The following SUGT1 variants were observed in gnomAD, a reference collection of about 807,000 sequenced individuals.
SUGT1 encodes the protein protein SGT1 homolog.
In SUGT1, 15 loss-of-function variants were observed where a neutral mutation model predicts 56.1. The observed-to-expected ratio is 0.27, with a 90% CI of 0.18 to 0.41. The LOEUF (loss-of-function observed/expected upper bound fraction) is 0.41. SUGT1 is among the 10% of genes least tolerant of loss of function. The probability of loss-of-function intolerance (pLI) is 1.00; values close to 1 mark genes in which losing one functional copy is unlikely to be tolerated. For missense variants in SUGT1, 347 were observed against 382.2 expected (o/e 0.91, Z 0.77); for synonymous variants, 123 against 128.6 (o/e 0.96, Z 0.30).
intron 2 of SUGT1, among the ~76,000 whole-genome samples, chr13:52,656,701 T>G (rs1337487238): frequency 6.6e-6 from 1 of 152,196 alleles, no homozygotes; most frequent in Admixed American, 6.5e-5. Flanking sequence ...ATATGTTGCT[T>G]TCTGAGAGTC....
intron 3 of SUGT1, 81 bp downstream of exon 3, chr13:52,657,703 T>C: frequency 7.6e-7 from 1 of 1,314,366 alleles, no homozygotes. Flanking sequence ...AAAGTTGTCT[T>C]TGAGAATTTT....
intron 5 of SUGT1, among the ~76,000 whole-genome samples, chr13:52,660,249 T>C (rs1235199619): frequency 6.6e-6 from 1 of 152,174 alleles, no homozygotes; most frequent in Non-Finnish European, 1.5e-5. Context: ...TAGAGTTTTA[T>C]CACAGTTCTC....
chr13:52,686,124 C>T (rs1432591775), intron 12 of SUGT1, among the ~76,000 whole-genome samples: 1 of 151,938 alleles, frequency 6.6e-6, no homozygotes, highest in Non-Finnish European at 1.5e-5. Flanking sequence ...GATGGAGTTT[C>T]ACCACGTTGG....
At chr13:52,671,555 ATT>A (rs1962938269) in intron 10 of SUGT1, among the ~76,000 whole-genome samples, 1 of 152,150 alleles carries the variant, frequency 6.6e-6, no homozygotes, top group South Asian at 2.1e-4. Context: ...TGGTGTAGGT[ATT>A]TTTATCCCTA....
chr13:52,667,852 T>C (rs904456579), intron 10 of SUGT1, among the ~76,000 whole-genome samples: 1 of 152,146 alleles, frequency 6.6e-6, no homozygotes, highest in Non-Finnish European at 1.5e-5. Context: ...TCAGCACCTT[T>C]GAAAGGAGGG....
At chr13:52,660,838 G>A (rs145342402) in intron 5 of SUGT1, among the ~76,000 whole-genome samples, 4 of 151,898 alleles carry the variant, frequency 2.6e-5, no homozygotes, top group African/African-American at 9.7e-5. Context: ...AGAAGGTCTC[G>A]CTCTGTCGCC....
At chr13:52,656,700 T>A (rs1007160007) in intron 2 of SUGT1, among the ~76,000 whole-genome samples, 1 of 152,214 alleles carries the variant, frequency 6.6e-6, no homozygotes, top group Non-Finnish European at 1.5e-5. Flanking sequence ...TATATGTTGC[T>A]TTCTGAGAGT....
chr13:52,684,024 G>T (rs1963475422), intron 12 of SUGT1, among the ~76,000 whole-genome samples: 1 of 152,070 alleles, frequency 6.6e-6, no homozygotes, highest in Non-Finnish European at 1.5e-5. Flanking sequence ...GGGACTACAG[G>T]CATGTGCCGT....
chr13:52,674,018 A>C (rs1306593744), intron 10 of SUGT1, among the ~76,000 whole-genome samples: 2 of 148,060 alleles, frequency 1.4e-5, no homozygotes, highest in Non-Finnish European at 3.0e-5. Context: ...ATATATGTAG[A>C]GTTTAAACAT....
rs1963981142 is a variant in SUGT1 at position 52,697,839 on chromosome 13, C to G, written c.*10004C>G. 6.6e-6 allele frequency: 1 copy of G among 152,182 alleles called. No homozygotes were observed. Among genetic ancestry groups the G allele is most frequent in the Non-Finnish European group, 1.5e-5 (1 of 68,030 alleles). 9.4% of individuals were successfully genotyped at this position (152,182 alleles called of 1,614,324 possible). ...TGCCAAATACGCATCAGACACTGAGCTAGGTGCTAGGTACTAGGTAAACAA... is the reference window on the plus strand; with the variant it reads ...TGCCAAATACGCATCAGACACTGAGGTAGGTGCTAGGTACTAGGTAAACAA... On this transcript the variant is annotated 3_prime_UTR_variant, in exon 13 of 13. Coordinates refer to ENST00000310528, the MANE Select transcript of SUGT1 (RefSeq NM_006704.5).
In SUGT1 at chr13:52,688,935, G is replaced by A. The variant is rs1963689207; in HGVS notation, c.*1100G>A. 1 of 152,192 alleles carries A rather than the reference G, an allele frequency of 6.6e-6. No individual in the cohort carries two copies. The highest frequency in any genetic ancestry group is 2.4e-5 in the African/African-American group (1 of 41,440). 9.4% of individuals were successfully genotyped at this position (152,192 alleles called of 1,614,324 possible). A position where few individuals can be genotyped will look rare whatever the true frequency, so the allele number is the denominator to read the frequency against. On this transcript the variant is annotated 3_prime_UTR_variant, in exon 13 of 13. Coordinates refer to ENST00000310528, the MANE Select transcript of SUGT1 (RefSeq NM_006704.5). ...TAGGCTGTTATAAAGTATAGACTAT[G>A]GATGACCTGTAGATCTGACTTTGTT...
rs1264817949 is a variant in SUGT1 at position 52,693,370 on chromosome 13, T to TA, written c.*5541dup. The TA allele has an allele frequency of 2.6e-5, 4 of 152,228 alleles. No individual in the cohort carries two copies. The highest frequency in any genetic ancestry group is 4.8e-5 in the African/African-American group (2 of 41,460). The allele number at this position is 152,228 out of a possible 1,614,324, so 9.4% of individuals were successfully genotyped here. Reference sequence around the variant, plus strand: ...TCCTTAATACCTATATAGGGTTTTTTAAAAAACTGTACCCTATAATGCAGC... The same window carrying TA: ...TCCTTAATACCTATATAGGGTTTTTTAAAAAAACTGTACCCTATAATGCAGC... On this transcript the variant is annotated 3_prime_UTR_variant, in exon 13 of 13. Coordinates refer to ENST00000310528, the MANE Select transcript of SUGT1 (RefSeq NM_006704.5).
chr13:52,662,556 A>AGGT, intron 5 of SUGT1, 93 bp from the exon 6 acceptor site: 1 of 1,333,702 alleles, frequency 7.5e-7, no homozygotes, highest in Non-Finnish European at 1.1e-6. Flanking sequence ...AGTGCCTAGA[A>AGGT]CACTGCCTGG....
At chr13:52,662,521 A>C in intron 5 of SUGT1, 128 bp from the exon 6 acceptor site, 3 of 734,304 alleles carry the variant, frequency 4.1e-6, no homozygotes, top group Non-Finnish European at 6.9e-6. Flanking sequence ...CTGTTAAGAC[A>C]GGTTTTGTTC....
rs1170837092 is a variant in SUGT1 at position 52,692,923 on chromosome 13, C to A, written c.*5088C>A. On this transcript the variant is annotated 3_prime_UTR_variant, in exon 13 of 13. Transcript: ENST00000310528. ...AACAACTGTTGCATGTGTAAGAAGACTGGTACATGATGCCAATGAAATTCT... is the reference window on the plus strand; with the variant it reads ...AACAACTGTTGCATGTGTAAGAAGAATGGTACATGATGCCAATGAAATTCT... 2 of 152,180 alleles carry A rather than the reference C, an allele frequency of 1.3e-5. No homozygotes were observed. Among genetic ancestry groups the A allele is most frequent in the East Asian group, 1.9e-4 (1 of 5,198 alleles). 9.4% of individuals were successfully genotyped at this position (152,180 alleles called of 1,614,324 possible).
At position 52,700,496 on chromosome 13, in the gene SUGT1, G is replaced by A. The variant is rs906757007; in HGVS notation, c.*12661G>A. 13 of 152,070 alleles carry A rather than the reference G, an allele frequency of 8.5e-5. No individual in the cohort carries two copies. Among genetic ancestry groups the A allele is most frequent in the African/African-American group, 3.1e-4 (13 of 41,420 alleles). The allele number at this position is 152,070 out of a possible 1,614,324, so 9.4% of individuals were successfully genotyped here. On this transcript the variant is annotated 3_prime_UTR_variant, in exon 13 of 13. Transcript: ENST00000310528. ...GTAAATTTGATGCTAGTATTATACT[G>A]GACTTTCTCAAAATGAAGTACACCT...
At chr13:52,659,385 A>G (rs1962317111) in intron 5 of SUGT1, 136 bp downstream of exon 5, 1 of 491,910 alleles carries the variant, frequency 2.0e-6, no homozygotes, top group South Asian at 4.1e-5. Context: ...TATATTTCAT[A>G]TTGATTGCAG....
At chr13:52,665,810 G>A (rs1594237869) in intron 9 of SUGT1, 77 bp downstream of exon 9, 5 of 917,468 alleles carry the variant, frequency 5.4e-6, no homozygotes, top group Non-Finnish European at 8.1e-6. Context: ...AATCGATAAC[G>A]GTTTATCAGA....
Position 52,694,098 on chromosome 13 carries a change from G to A in SUGT1, c.*6263G>A, listed in dbSNP as rs917592888. Reference sequence around the variant, plus strand: ...GTGGAAAGCAAAACCATGGATAAAGGGGAACTATTAATAGTCTATCTGTAT... The same window carrying A: ...GTGGAAAGCAAAACCATGGATAAAGAGGAACTATTAATAGTCTATCTGTAT... On this transcript the variant is annotated 3_prime_UTR_variant, in exon 13 of 13. Transcript: ENST00000310528. The A allele has an allele frequency of 1.3e-5, 2 of 152,150 alleles. No individual in the cohort carries two copies. Among genetic ancestry groups the A allele is most frequent in the Non-Finnish European group, 1.5e-5 (1 of 68,022 alleles). The allele number at this position is 152,150 out of a possible 1,614,324, so 9.4% of individuals were successfully genotyped here.
Sources: gnomAD v4.1 joint callset for allele counts (sites outside exome capture counted in the v4.1 genomes callset) on GRCh38, gnomAD v4.1.1 for gene constraint, MANE v1.5 for transcripts, NCBI Gene and HGNC (gene_info 2026-07-23, HGNC 2026-07-21) for gene names.